The following SDCCAG8 variants were observed in gnomAD, a reference collection of about 807,000 sequenced individuals.
The protein encoded by SDCCAG8 is serologically defined colon cancer antigen 8.
SDCCAG8 carries 74 observed loss-of-function variants against 101.8 expected under a neutral mutation model. That is an observed-to-expected ratio of 0.73 (90% CI 0.60 to 0.88). SDCCAG8 has a LOEUF of 0.88. Ranked by LOEUF, SDCCAG8 falls within the 40% of genes least tolerant of loss-of-function variation. The pLI, the probability that SDCCAG8 is intolerant of heterozygous loss-of-function variation, is 0.00. For missense variants in SDCCAG8, 787 were observed against 822.6 expected, an observed-to-expected ratio of 0.96 and a Z score of 0.53; for synonymous variants, 281 against 292.9, an observed-to-expected ratio of 0.96 and a Z score of 0.41.
rs1413804163 is a variant in SDCCAG8 at position 243,416,538 on chromosome 1, G to A, written c.1744+709G>A. On this transcript the variant is annotated intron_variant, in intron 14 of 17. Transcript: ENST00000366541. The surrounding 1 kb of genome is among the most constrained non-coding windows in gnomAD (Gnocchi z 4.3). ...TGCTGTTAAAATTCACTAATACAAG[G>A]CACTGACCACAGCTGGCAGCTTGGC... Among the ~76,000 whole-genome samples the A allele has an allele frequency of 1.3e-5, 2 of 152,098 alleles. No homozygotes were observed. The highest frequency in any genetic ancestry group is 3.9e-4 in the East Asian group (2 of 5,192).
At chr1:243,422,875 TGC>T (rs2081101762) in intron 15 of SDCCAG8, among the ~76,000 whole-genome samples, 1 of 152,238 alleles carries the variant, frequency 6.6e-6, no homozygotes, top group Non-Finnish European at 1.5e-5. Flanking sequence ...GGAAAGTTCA[TGC>T]TTCTGTAAAG....
intron 12 of SDCCAG8, among the ~76,000 whole-genome samples, chr1:243,355,293 T>C (rs2076319246): frequency 6.6e-6 from 1 of 150,456 alleles, no homozygotes; most frequent in South Asian, 2.1e-4. Context: ...TCTCTCTACT[T>C]ACAACTGAAG....
chr1:243,335,952 C>T (rs778975582), intron 10 of SDCCAG8, among the ~76,000 whole-genome samples: 6 of 152,156 alleles, frequency 3.9e-5, no homozygotes, highest in South Asian at 2.1e-4. Flanking sequence ...CGTCCATGTT[C>T]CTGCCAAAGA....
chr1:243,495,767 C>T (rs1378460747), intron 17 of SDCCAG8, among the ~76,000 whole-genome samples: 1 of 152,176 alleles, frequency 6.6e-6, no homozygotes, highest in African/African-American at 2.4e-5. Flanking sequence ...CACCTCTCTC[C>T]TCAGTGCGTT....
intron 16 of SDCCAG8, among the ~76,000 whole-genome samples, chr1:243,462,585 G>C (rs1033851077): frequency 6.6e-6 from 1 of 152,178 alleles, no homozygotes; most frequent in Non-Finnish European, 1.5e-5. Context: ...GACATTGTAG[G>C]TGCTCAGAAA....
intron 16 of SDCCAG8, among the ~76,000 whole-genome samples, chr1:243,483,076 A>G (rs1028454928): frequency 1.3e-5 from 2 of 152,186 alleles, no homozygotes; most frequent in Non-Finnish European, 2.9e-5. Flanking sequence ...AGAACAAGAA[A>G]TTGCACTCTC....
chr1:243,273,735 C>T (rs779750522), intron 3 of SDCCAG8, among the ~76,000 whole-genome samples: 8 of 152,238 alleles, frequency 5.3e-5, no homozygotes, highest in Admixed American at 1.3e-4. Context: ...AGCAAATCCT[C>T]TTCCATGGCA....
Position 243,330,360 on chromosome 1 carries a change from T to C in SDCCAG8, c.1069-180T>C, listed in dbSNP as rs74476777. 0.024 allele frequency among the ~76,000 whole-genome samples: 3,659 copies of C among 152,312 alleles called. 149 individuals carry two copies. Among genetic ancestry groups the C allele is most frequent in the African/African-American group, 0.081 (3,379 of 41,554 alleles). On this transcript the variant is annotated intron_variant, in intron 9 of 17. Coordinates refer to ENST00000366541, the MANE Select transcript of SDCCAG8 (RefSeq NM_006642.5). ...ATGAAAATTGAAATATGTCAATAAA[T>C]GTAACATTTGGATACTCTTTTAGGT...
intron 16 of SDCCAG8, among the ~76,000 whole-genome samples, chr1:243,465,462 T>G (rs368460873): frequency 2.6e-5 from 4 of 152,252 alleles, no homozygotes; most frequent in Admixed American, 2.0e-4. Flanking sequence ...TAAATCAATT[T>G]TGAATGTACT....
chr1:243,340,055 C>G lies in SDCCAG8; in HGVS notation c.1222-984C>G, dbSNP rs115686230. ...TAAATCTAAGATCTAGAAAGCATTT[C>G]TAATCTTGAGAAGAAAAACTGAGAA... is the stretch of plus-strand genomic sequence containing the variant. On this transcript the variant is annotated intron_variant, in intron 10 of 17. Coordinates refer to ENST00000366541, the MANE Select transcript of SDCCAG8 (RefSeq NM_006642.5). Among the ~76,000 whole-genome samples the G allele has an allele frequency of 5.9e-3, 905 of 152,298 alleles. 11 individuals carry two copies. Among genetic ancestry groups the G allele is most frequent in the African/African-American group, 0.021 (867 of 41,562 alleles).
chr1:243,495,291 C>G (rs543153486), intron 17 of SDCCAG8, among the ~76,000 whole-genome samples: 1 of 152,216 alleles, frequency 6.6e-6, no homozygotes. Context: ...TGCTGTCTTA[C>G]GGAACGTCCC....
chr1:243,451,680 T>C (rs185888367), intron 16 of SDCCAG8, among the ~76,000 whole-genome samples: 2 of 152,214 alleles, frequency 1.3e-5, no homozygotes, highest in Non-Finnish European at 2.9e-5. Flanking sequence ...ATCCCAGCAC[T>C]TTGGAGGCCA....
intron 15 of SDCCAG8, among the ~76,000 whole-genome samples, chr1:243,423,454 T>G (rs2081143394): frequency 6.6e-6 from 1 of 152,142 alleles, no homozygotes; most frequent in African/African-American, 2.4e-5. Context: ...TAATGAACAT[T>G]TTTCTATATC....
intron 15 of SDCCAG8, among the ~76,000 whole-genome samples, chr1:243,422,180 CTTGTGGACTGATGTCTAACACTGCCCA>C (rs1367538109): frequency 6.6e-6 from 1 of 152,192 alleles, no homozygotes; most frequent in African/African-American, 2.4e-5. Context: ...GGTTGTGAGG[CTTGTGGACTGATGTCTAACACTGCCCA>C]TTGTGTATTT....
chr1:243,317,855 T>C (rs1484277798), intron 9 of SDCCAG8, among the ~76,000 whole-genome samples: 1 of 152,228 alleles, frequency 6.6e-6, no homozygotes, highest in East Asian at 1.9e-4. Flanking sequence ...TAGCAAATAT[T>C]GGACAGTGCA....
chr1:243,407,288 A>G (rs1416351617), intron 13 of SDCCAG8, among the ~76,000 whole-genome samples: 3 of 152,226 alleles, frequency 2.0e-5, no homozygotes, highest in Non-Finnish European at 2.9e-5. Context: ...CAGCTTTGCT[A>G]CTTACTAGCT....
chr1:243,372,003 A>G (rs890485504), intron 12 of SDCCAG8, among the ~76,000 whole-genome samples: 3 of 152,142 alleles, frequency 2.0e-5, no homozygotes, highest in African/African-American at 7.2e-5. Context: ...GACAAAATCA[A>G]TCTTAACATC....
chr1:243,294,696 T>TTCCCC (rs796839957), intron 6 of SDCCAG8, among the ~76,000 whole-genome samples: 17 of 62,238 alleles, frequency 2.7e-4, no homozygotes, highest in East Asian at 6.0e-4. Flanking sequence ...CTTTCTAAAT[T>TTCCCC]CCCCCCCCCC....
At chr1:243,485,485 A>G (rs1182972115) in intron 16 of SDCCAG8, among the ~76,000 whole-genome samples, 1 of 152,232 alleles carries the variant, frequency 6.6e-6, no homozygotes, top group Non-Finnish European at 1.5e-5. Context: ...GGAAAAGAAA[A>G]GAGAGCTTAT....
Sources: allele counts gnomAD v4.1 joint callset (sites outside exome capture counted in the v4.1 genomes callset), GRCh38; gene constraint gnomAD v4.1.1; non-coding constraint Gnocchi (gnomAD v3.1); transcripts MANE v1.5; gene names NCBI Gene and HGNC (gene_info 2026-07-23, HGNC 2026-07-21).